The following UNC13B variants were observed in gnomAD, a reference collection of about 807,000 sequenced individuals.
The protein encoded by UNC13B is unc-13 homolog B, also known as protein unc-13 homolog B.
In UNC13B, 144 loss-of-function variants were observed where a neutral mutation model predicts 211.0. The ratio of observed to expected loss-of-function variants is 0.68; its 90% CI spans 0.60 to 0.78. UNC13B has a LOEUF of 0.78. Among genes scored for constraint, UNC13B ranks in the 30% least tolerant of loss-of-function variants. The pLI, the probability that UNC13B is intolerant of heterozygous loss-of-function variation, is 0.00. For missense variants in UNC13B, 1,777 were observed against 2,002.0 expected (o/e 0.89, Z 2.14); for synonymous variants, 709 against 725.8 (o/e 0.98, Z 0.37).
At chr9:35,371,472 G>A (rs1834120739) in intron 13 of UNC13B, among the ~76,000 whole-genome samples, 1 of 151,630 alleles carries the variant, frequency 6.6e-6, no homozygotes, top group African/African-American at 2.4e-5. Flanking sequence ...GAGCCACCAT[G>A]CCCGACTCCT....
At chr9:35,180,775 A>C (rs1230950413) in intron 1 of UNC13B, among the ~76,000 whole-genome samples, 1 of 152,086 alleles carries the variant, frequency 6.6e-6, no homozygotes, top group African/African-American at 2.4e-5. Context: ...AAATCAATTA[A>C]GTGGGTGACC....
intron 1 of UNC13B, among the ~76,000 whole-genome samples, chr9:35,167,365 C>T (rs1201433700): frequency 1.3e-5 from 2 of 152,010 alleles, no homozygotes; most frequent in East Asian, 3.9e-4. Flanking sequence ...GAGCGCCTGG[C>T]CAGTGTTAAT....
At chr9:35,371,669 A>G (rs1055113025) in intron 13 of UNC13B, among the ~76,000 whole-genome samples, 3 of 151,272 alleles carry the variant, frequency 2.0e-5, no homozygotes, top group African/African-American at 7.3e-5. Context: ...GCAAGTATCT[A>G]GTTTATTTCT....
chr9:35,290,666 G>C lies in UNC13B; in HGVS notation c.527-5030G>C, dbSNP rs79868074. Among the ~76,000 whole-genome samples the C allele has an allele frequency of 4.4e-3, 668 of 151,548 alleles. 3 individuals carry two copies. The highest frequency in any genetic ancestry group is 0.015 in the African/African-American group (620 of 41,338). On this transcript the variant is annotated intron_variant, in intron 7 of 39. Coordinates refer to ENST00000635942, the MANE Select transcript of UNC13B (RefSeq NM_001371189.2). ...TGGGCTCAGGTTTGGTGAACACAGA[G>C]ATAAGGAAGGGTTTCTTAGAGACAG...
chr9:35,316,005 G>A (rs190431898), intron 11 of UNC13B, among the ~76,000 whole-genome samples: 23 of 152,290 alleles, frequency 1.5e-4, no homozygotes, highest in Admixed American at 1.4e-3. Flanking sequence ...ACTTGGTTAA[G>A]TTTGCATTGG....
At position 35,213,268 on chromosome 9, in the gene UNC13B, A is replaced by G. The variant is rs559512811; in HGVS notation, c.23-14747A>G. Among the ~76,000 whole-genome samples, 4 of 152,278 alleles carry G rather than the reference A, an allele frequency of 2.6e-5. No homozygotes were observed. The South Asian group carries it at 8.3e-4, about 32-fold the overall frequency. Reference sequence around the variant, plus strand: ...AGGTCATGAGGGTAGGGCCTTCATGATGGGGTTAGTACCCTTATAAGAACA... The same window carrying G: ...AGGTCATGAGGGTAGGGCCTTCATGGTGGGGTTAGTACCCTTATAAGAACA... On this transcript the variant is annotated intron_variant, in intron 1 of 39. Transcript: ENST00000635942.
intron 1 of UNC13B, among the ~76,000 whole-genome samples, chr9:35,189,520 A>G (rs533909904): frequency 8.5e-5 from 13 of 152,344 alleles, no homozygotes; most frequent in African/African-American, 3.1e-4. Flanking sequence ...TTTATTTCTT[A>G]AAGATTACAG....
chr9:35,266,907 ATCTTTG>A (rs1280492660), intron 7 of UNC13B, among the ~76,000 whole-genome samples: 1 of 152,204 alleles, frequency 6.6e-6, no homozygotes, highest in African/African-American at 2.4e-5. Flanking sequence ...AGAAGAAGTG[ATCTTTG>A]TGGTTTTAAC....
intron 3 of UNC13B, among the ~76,000 whole-genome samples, chr9:35,231,589 T>C (rs1306149264): frequency 1.3e-5 from 2 of 152,198 alleles, no homozygotes; most frequent in Admixed American, 1.3e-4. Flanking sequence ...TTTCTTTGAT[T>C]CTGAGAAGGC....
chr9:35,222,924 T>C (rs959180610), intron 1 of UNC13B, among the ~76,000 whole-genome samples: 10 of 152,166 alleles, frequency 6.6e-5, no homozygotes, highest in Admixed American at 5.2e-4. Context: ...TTATTTTAGC[T>C]CTCACATGAG....
intron 5 of UNC13B, 130 bp from the exon 6 acceptor site, chr9:35,243,161 C>T (rs1825897562): frequency 1.2e-6 from 1 of 802,976 alleles, no homozygotes; most frequent in Non-Finnish European, 2.1e-6. Flanking sequence ...AGAACCAAAC[C>T]ATCAGTTAAA....
intron 7 of UNC13B, among the ~76,000 whole-genome samples, chr9:35,285,597 GTC>G (rs1828746066): frequency 6.6e-6 from 1 of 152,098 alleles, no homozygotes; most frequent in African/African-American, 2.4e-5. Flanking sequence ...CGTGCCTGTA[GTC>G]CCAGCTTCTC....
intron 1 of UNC13B, among the ~76,000 whole-genome samples, chr9:35,215,107 A>C (rs1263603802): frequency 6.6e-6 from 1 of 152,220 alleles, no homozygotes; most frequent in African/African-American, 2.4e-5. Flanking sequence ...GTTAAACATG[A>C]GTAAATGTAA....
chr9:35,178,905 A>G (rs1253138688), intron 1 of UNC13B, among the ~76,000 whole-genome samples: 1 of 151,738 alleles, frequency 6.6e-6, no homozygotes, highest in Admixed American at 6.6e-5. Flanking sequence ...AAAAAAAAAA[A>G]AAAAGACAAT....
chr9:35,319,834 A>G (rs532289177), intron 11 of UNC13B, among the ~76,000 whole-genome samples: 38 of 151,928 alleles, frequency 2.5e-4, no homozygotes, highest in Non-Finnish European at 3.4e-4. Flanking sequence ...AAATTAAAAA[A>G]TTCTTGTGTA....
intron 1 of UNC13B, among the ~76,000 whole-genome samples, chr9:35,212,759 A>G (rs1023826727): frequency 1.3e-5 from 2 of 152,212 alleles, no homozygotes; most frequent in Non-Finnish European, 2.9e-5. Context: ...CCCTTGGGCT[A>G]AAATGGAAAA....
At chr9:35,371,363 T>TA (rs1834111203) in intron 13 of UNC13B, among the ~76,000 whole-genome samples, 1 of 151,170 alleles carries the variant, frequency 6.6e-6, no homozygotes, top group Non-Finnish European at 1.5e-5. Flanking sequence ...TTTTTTTTTT[T>TA]TATAGAGACG....
At chr9:35,337,444 A>C (rs888980314) in intron 11 of UNC13B, among the ~76,000 whole-genome samples, 1 of 152,212 alleles carries the variant, frequency 6.6e-6, no homozygotes, top group Non-Finnish European at 1.5e-5. Flanking sequence ...TCATCTCTGC[A>C]TGGGTTGATA....
At chr9:35,389,388 G>C (rs750859961) in intron 24 of UNC13B, among the ~76,000 whole-genome samples, 6 of 152,198 alleles carry the variant, frequency 3.9e-5, no homozygotes, top group Non-Finnish European at 7.3e-5. Context: ...TGCAGAAGTT[G>C]AAAGAGCTTC....
Sources: gnomAD v4.1 joint callset for allele counts (sites outside exome capture counted in the v4.1 genomes callset) on GRCh38, gnomAD v4.1.1 for gene constraint, MANE v1.5 for transcripts, NCBI Gene and HGNC (gene_info 2026-07-23, HGNC 2026-07-21) for gene names.